The following ADAMTSL1 variants were observed in gnomAD, a reference collection of about 807,000 sequenced individuals.
ADAMTSL1 encodes ADAMTS-like protein 1.
A neutral mutation model predicts 201.8 loss-of-function variants in ADAMTSL1; 126 were observed. The ratio of observed to expected loss-of-function variants is 0.62; its 90% CI spans 0.54 to 0.72. ADAMTSL1 has a LOEUF of 0.72. Among genes scored for constraint, ADAMTSL1 ranks in the 30% least tolerant of loss-of-function variants. The probability of loss-of-function intolerance (pLI) is 0.00; values close to 1 mark genes in which losing one functional copy is unlikely to be tolerated. For synonymous variants in ADAMTSL1, 1,121 were observed against 903.4 expected (o/e 1.24, Z -4.32); for missense variants, 2,679 against 2,277.8 (o/e 1.18, Z -3.59).
intron 1 of ADAMTSL1, among the ~76,000 whole-genome samples, chr9:17,907,924 G>T (rs1825787407): frequency 1.3e-5 from 2 of 152,184 alleles, no homozygotes; most frequent in East Asian, 1.9e-4. Flanking sequence ...CTCTTGGCCG[G>T]AATTACCGCC....
At chr9:18,775,345 T>A (rs1820913902) in intron 17 of ADAMTSL1, among the ~76,000 whole-genome samples, 1 of 152,252 alleles carries the variant, frequency 6.6e-6, no homozygotes, top group Admixed American at 6.5e-5. Context: ...TTGTCATTTC[T>A]ATGTATGGCA....
chr9:17,929,392 T>A (rs372994108), intron 1 of ADAMTSL1, among the ~76,000 whole-genome samples: 2 of 151,716 alleles, frequency 1.3e-5, no homozygotes, highest in African/African-American at 4.9e-5. Flanking sequence ...TAAGAACCAA[T>A]TTTTCACCCC....
intron 2 of ADAMTSL1, among the ~76,000 whole-genome samples, chr9:18,187,715 A>G (rs1384285306): frequency 1.3e-5 from 2 of 152,136 alleles, no homozygotes; most frequent in African/African-American, 4.8e-5. Flanking sequence ...TTAAAATTAT[A>G]CAATAAATAT....
intron 2 of ADAMTSL1, among the ~76,000 whole-genome samples, chr9:18,516,102 G>GAA (rs1283338041): frequency 6.9e-5 from 9 of 130,534 alleles, no homozygotes; most frequent in Non-Finnish European, 1.5e-4. Context: ...AAAAAAAAAA[G>GAA]AAAGAAAAAG....
intron 2 of ADAMTSL1, among the ~76,000 whole-genome samples, chr9:18,388,317 C>A (rs1837888443): frequency 6.6e-6 from 1 of 152,024 alleles, no homozygotes; most frequent in Non-Finnish European, 1.5e-5. Flanking sequence ...GTCTTCCAGG[C>A]TGGAGTGCAA....
intron 23 of ADAMTSL1, among the ~76,000 whole-genome samples, chr9:18,879,593 A>G (rs1038544286): frequency 1.3e-5 from 2 of 152,246 alleles, no homozygotes; most frequent in African/African-American, 4.8e-5. Flanking sequence ...CTAAGTGTGC[A>G]ACACCAATAC....
intron 3 of ADAMTSL1, among the ~76,000 whole-genome samples, chr9:18,567,189 G>A (rs991870568): frequency 6.6e-6 from 1 of 152,156 alleles, no homozygotes; most frequent in African/African-American, 2.4e-5. Flanking sequence ...ACTAGGCTGG[G>A]CAAGGTGGCT....
At chr9:17,939,028 A>C (rs1827125813) in intron 1 of ADAMTSL1, among the ~76,000 whole-genome samples, 2 of 152,018 alleles carry the variant, frequency 1.3e-5, no homozygotes, top group African/African-American at 4.8e-5. Context: ...ACCCCTATCA[A>C]ATTCTTTCAT....
At chr9:18,280,150 C>T (rs1832730284) in intron 2 of ADAMTSL1, among the ~76,000 whole-genome samples, 1 of 151,776 alleles carries the variant, frequency 6.6e-6, no homozygotes, top group Non-Finnish European at 1.5e-5. Context: ...ACCAGGTGTG[C>T]TTGGAAAATG....
intron 3 of ADAMTSL1, among the ~76,000 whole-genome samples, chr9:18,549,127 G>T (rs1820643579): frequency 6.6e-6 from 1 of 151,934 alleles, no homozygotes; most frequent in Non-Finnish European, 1.5e-5. Flanking sequence ...CAATGAAAGT[G>T]CTGAACAGGA....
At chr9:18,365,101 T>G (rs1836711739) in intron 2 of ADAMTSL1, among the ~76,000 whole-genome samples, 1 of 152,106 alleles carries the variant, frequency 6.6e-6, no homozygotes, top group African/African-American at 2.4e-5. Context: ...CCGGAGATAA[T>G]GTACAAGAAT....
intron 2 of ADAMTSL1, among the ~76,000 whole-genome samples, chr9:18,383,160 G>A (rs570407231): frequency 3.9e-5 from 6 of 152,242 alleles, no homozygotes; most frequent in African/African-American, 1.4e-4. Context: ...TTATAGGACT[G>A]TGGGGTTTTG....
At chr9:18,220,757 T>C (rs914404103) in intron 2 of ADAMTSL1, among the ~76,000 whole-genome samples, 10 of 152,112 alleles carry the variant, frequency 6.6e-5, no homozygotes, top group Non-Finnish European at 1.3e-4. Context: ...ATTTTACTTA[T>C]ACTTTTTAAA....
intron 15 of ADAMTSL1, among the ~76,000 whole-genome samples, chr9:18,740,492 T>TTTTTG (rs1564195525): frequency 1.4e-5 from 2 of 140,436 alleles, no homozygotes; most frequent in Non-Finnish European, 3.1e-5. Flanking sequence ...TTTTTTTTTT[T>TTTTTG]TTTGAGAGGA....
At chr9:18,123,201 G>C (rs368962791) in intron 1 of ADAMTSL1, among the ~76,000 whole-genome samples, 7 of 152,264 alleles carry the variant, frequency 4.6e-5, no homozygotes, top group South Asian at 2.1e-4. Context: ...AGATATTCTA[G>C]CATATTTCAT....
chr9:18,257,555 A>G (rs1831735717), intron 2 of ADAMTSL1, among the ~76,000 whole-genome samples: 2 of 152,248 alleles, frequency 1.3e-5, no homozygotes, highest in Non-Finnish European at 2.9e-5. Flanking sequence ...ATATGGAGAT[A>G]TTGGAATCTT....
chr9:18,644,213 G>T (rs1235197179), intron 7 of ADAMTSL1, among the ~76,000 whole-genome samples: 1 of 151,686 alleles, frequency 6.6e-6, no homozygotes, highest in Admixed American at 6.6e-5. Flanking sequence ...ATGTTTATAT[G>T]TTGATTTTTT....
chr9:18,031,959 C>G (rs1176189078), intron 1 of ADAMTSL1, among the ~76,000 whole-genome samples: 1 of 152,120 alleles, frequency 6.6e-6, no homozygotes, highest in African/African-American at 2.4e-5. Context: ...GCCCACAGCC[C>G]AGGGATTTTA....
chr9:18,786,895 A>C (rs1821741265), intron 19 of ADAMTSL1, among the ~76,000 whole-genome samples: 1 of 152,218 alleles, frequency 6.6e-6, no homozygotes, highest in African/African-American at 2.4e-5. Context: ...ACAGTGTTCC[A>C]AAGTGGTGCT....
Sources: allele counts gnomAD v4.1 joint callset (sites outside exome capture counted in the v4.1 genomes callset), GRCh38; gene constraint gnomAD v4.1.1; transcripts MANE v1.5; gene names NCBI Gene and HGNC (gene_info 2026-07-23, HGNC 2026-07-21).